Variants in ZNF469 observed in about 807,000 individuals in gnomAD.
ZNF469 encodes the protein zinc finger protein 469.
ZNF469 carries 1 observed loss-of-function variant against 1.0 expected under a neutral mutation model. The observed-to-expected ratio is 1.00, with a 90% CI of 0.35 to 4.73. The LOEUF is 4.73. Among genes scored for constraint, ZNF469 ranks in the 30% most tolerant of loss-of-function variants. The pLI, the probability that ZNF469 is intolerant of heterozygous loss-of-function variation, is 0.16. For missense variants in ZNF469, 6,100 were observed against 5,356.3 expected, an observed-to-expected ratio of 1.14 and a Z score of -4.33; for synonymous variants, 2,703 against 2,363.4, an observed-to-expected ratio of 1.14 and a Z score of -4.17.
chr16:88,435,230 C>T lies in ZNF469; in HGVS notation c.7760C>T (p.Thr2587Ile). Residue 2587 changes from threonine (T) to isoleucine (I), a missense_variant, in exon 3 of 3, where the codon ACT (threonine) becomes ATT (isoleucine). Coordinates refer to ENST00000565624, the MANE Select transcript of ZNF469 (RefSeq NM_001367624.2). ...SPTEHEVDVKTPASKPRPDQA... is the reference protein window; with the variant it reads ...SPTEHEVDVKIPASKPRPDQA... ...ACTGAGCATGAGGTAGATGTGAAGA[C>T]TCCGGCCTCCAAGCCCAGACCAGAC... is the stretch of plus-strand genomic sequence containing the variant. The T allele has an allele frequency of 6.4e-7, 1 of 1,550,404 alleles. No homozygotes were observed. Among genetic ancestry groups the T allele is most frequent in the South Asian group, 1.2e-5 (1 of 84,068 alleles).
At chr16:88,151,424 G>A in the ZNF469 span, among the ~76,000 whole-genome samples, 2 of 152,242 alleles carry the variant, frequency 1.3e-5, no homozygotes, top group East Asian at 1.9e-4. This position sits in a 1 kb window ranked among gnomAD's most constrained non-coding sequence, Gnocchi z 5.4. Flanking sequence ...CCGATGGAAC[G>A]GCGGGACAGA....
At chr16:88,303,843 T>G in the ZNF469 span, among the ~76,000 whole-genome samples, 1 of 152,066 alleles carries the variant, frequency 6.6e-6, no homozygotes, top group African/African-American at 2.4e-5. Context: ...TTGTGCAGAT[T>G]GAAGGAGATA....
At chr16:88,392,812 C>T (rs948502551) in intron 1 of ZNF469, among the ~76,000 whole-genome samples, 16 of 152,250 alleles carry the variant, frequency 1.1e-4, no homozygotes, top group African/African-American at 2.4e-4. Context: ...CCTCCAACAT[C>T]GCCCTGCCTT....
At chr16:88,221,633 G>C in the ZNF469 span, among the ~76,000 whole-genome samples, 1 of 152,260 alleles carries the variant, frequency 6.6e-6, no homozygotes, top group Non-Finnish European at 1.5e-5. Flanking sequence ...ATCAGTGAGA[G>C]CCCCCGTCAT....
the ZNF469 span, among the ~76,000 whole-genome samples, chr16:88,250,620 C>T: frequency 1.3e-5 from 2 of 152,178 alleles, no homozygotes. Context: ...GGCTGCACTG[C>T]TTGCGGTTTT....
At position 88,429,109 on chromosome 16, in the gene ZNF469, C is replaced by G; in HGVS notation, c.1639C>G (p.Leu547Val). ...AAGCAGCCAGGGCGGCTCCCCAGCA[C>G]TGTTCACCTACAACGGAATGACAGA... ...VRSSQGGSPA[L>V]FTYNGMTDPG... Residue 547 changes from leucine to valine, a missense_variant, in exon 3 of 3, where the codon CTG becomes GTG. Leu to Val is a conservative substitution (Grantham distance 32). Coordinates refer to ENST00000565624, the MANE Select transcript of ZNF469 (RefSeq NM_001367624.2). The G allele has an allele frequency of 6.5e-7, 1 of 1,550,018 alleles. No individual in the cohort carries two copies. The highest frequency in any genetic ancestry group is 8.7e-7 in the Non-Finnish European group (1 of 1,146,880).
At chr16:88,324,161 T>A in the ZNF469 span, among the ~76,000 whole-genome samples, 1 of 152,242 alleles carries the variant, frequency 6.6e-6, no homozygotes, top group Non-Finnish European at 1.5e-5. Flanking sequence ...TCGGGGCTAC[T>A]TGGGCTTCCT....
the ZNF469 span, among the ~76,000 whole-genome samples, chr16:88,157,738 C>T: frequency 6.6e-6 from 1 of 152,206 alleles, no homozygotes; most frequent in East Asian, 1.9e-4. Context: ...AGATGCCTTC[C>T]CTCAGCCCCC....
upstream of ZNF469, among the ~76,000 whole-genome samples, chr16:88,382,210 C>T (rs1454503876): frequency 1.3e-5 from 2 of 152,254 alleles, no homozygotes; most frequent in South Asian, 2.1e-4. Flanking sequence ...CAGCCGGGGA[C>T]GGGCACGTAC....
the ZNF469 span, among the ~76,000 whole-genome samples, chr16:88,254,024 C>A: frequency 3.3e-5 from 5 of 151,942 alleles, no homozygotes; most frequent in Admixed American, 3.3e-4. Flanking sequence ...TTTGATAAAG[C>A]CAAATTTAAC....
the ZNF469 span, among the ~76,000 whole-genome samples, chr16:88,111,214 TC>T: frequency 1.3e-5 from 2 of 152,116 alleles, no homozygotes; most frequent in African/African-American, 4.8e-5. Context: ...CTAAAACCAC[TC>T]CCCGCAGTGG....
the ZNF469 span, among the ~76,000 whole-genome samples, chr16:88,280,438 A>T: frequency 6.6e-6 from 1 of 151,748 alleles, no homozygotes; most frequent in East Asian, 1.9e-4. Flanking sequence ...GTGCTGTGCC[A>T]CACCAATGCT....
At chr16:88,185,959 ACG>A in the ZNF469 span, among the ~76,000 whole-genome samples, 1 of 150,430 alleles carries the variant, frequency 6.6e-6, no homozygotes, top group South Asian at 2.1e-4. Flanking sequence ...GCACACACAC[ACG>A]CATACACACT....
chr16:88,300,866 A>C, the ZNF469 span, among the ~76,000 whole-genome samples: 2 of 152,082 alleles, frequency 1.3e-5, no homozygotes, highest in Non-Finnish European at 2.9e-5. Flanking sequence ...GGAGTTGGAG[A>C]CCAGCCTGGC....
In ZNF469 at chr16:88,425,849, C is replaced by A. The variant is rs372398903; in HGVS notation, c.-127+978C>A. Among the ~76,000 whole-genome samples, 47 of 152,338 alleles carry A rather than the reference C, an allele frequency of 3.1e-4. 1 individual carries two copies. The East Asian group carries it at 3.1e-3, about 10-fold the overall frequency. ...AGGAGGAAGGGGCACCCGGGCCCCC[C>A]AGCTGGCATGACTCTTTTTGGTGGT... On this transcript the variant is annotated intron_variant, in intron 2 of 2. Transcript: ENST00000565624.
intron 1 of ZNF469, among the ~76,000 whole-genome samples, chr16:88,398,280 CGTG>C (rs1904748408): frequency 6.6e-6 from 1 of 152,202 alleles, no homozygotes; most frequent in Non-Finnish European, 1.5e-5. Flanking sequence ...CAAAGGGAAA[CGTG>C]AACCACAGAT....
upstream of ZNF469, among the ~76,000 whole-genome samples, chr16:88,380,915 TGCACTCACACAGACAC>T (rs1370476477): frequency 1.2e-4 from 7 of 56,900 alleles, no homozygotes; most frequent in East Asian, 2.0e-3. Flanking sequence ...CTCACAGACA[TGCACTCACACAGACAC>T]GCACTCACAC....
chr16:88,140,636 G>T, the ZNF469 span, among the ~76,000 whole-genome samples: 2 of 152,186 alleles, frequency 1.3e-5, no homozygotes, highest in African/African-American at 4.8e-5. Context: ...ACAGGTAAGT[G>T]GATTTTAAAT....
the ZNF469 span, among the ~76,000 whole-genome samples, chr16:88,358,342 G>A: frequency 5.9e-5 from 9 of 152,210 alleles, no homozygotes; most frequent in African/African-American, 1.9e-4. Context: ...TCCAGGGACC[G>A]TGTTGGGCAG....
Sources: gnomAD v4.1 joint callset for allele counts (sites outside exome capture counted in the v4.1 genomes callset) on GRCh38, gnomAD v4.1.1 for gene constraint, Gnocchi (gnomAD v3.1) non-coding constraint, MANE v1.5 for transcripts, NCBI Gene and HGNC (gene_info 2026-07-23, HGNC 2026-07-21) for gene names.